Variants in C11orf87 observed in about 807,000 individuals in gnomAD.
C11orf87 encodes uncharacterized protein C11orf87.
Under a neutral mutation model 9.2 loss-of-function variants are expected in C11orf87, and 3 were observed. The ratio of observed to expected loss-of-function variants is 0.33; its 90% CI spans 0.15 to 0.84. C11orf87 has a LOEUF of 0.84. C11orf87 is among the 40% of genes least tolerant of loss of function. The pLI is 0.55. For synonymous variants in C11orf87, 124 were observed against 124.6 expected, an observed-to-expected ratio of 1.00 and a Z score of 0.03; for missense variants, 256 against 270.7, an observed-to-expected ratio of 0.95 and a Z score of 0.38.
chr11:109,423,337 A>C lies in C11orf87; in HGVS notation c.-259-38A>C. On this transcript the variant is annotated intron_variant, in intron 1 of 1. Coordinates refer to ENST00000327419, the MANE Select transcript of C11orf87 (RefSeq NM_207645.4). The surrounding 1 kb of genome is among the most constrained non-coding windows in gnomAD (Gnocchi z 5.3). ...CTTTCCCGACAGCACTCCCCTGGGCAGCGGCCGAGATTCTAACTAAGCTTT... is the reference window on the plus strand; with the variant it reads ...CTTTCCCGACAGCACTCCCCTGGGCCGCGGCCGAGATTCTAACTAAGCTTT... The C allele has an allele frequency of 6.3e-6, 3 of 475,114 alleles. No homozygotes were observed. The highest frequency in any genetic ancestry group is 7.5e-6 in the Non-Finnish European group (2 of 267,952). 29.4% of individuals were successfully genotyped at this position (475,114 alleles called of 1,614,324 possible).
chr11:109,423,789 G>A lies in C11orf87; in HGVS notation c.156G>A (p.Gln52=), dbSNP rs566761843. ...GCACCTGCATCACGCAGGTGGGACA[G>A]CAGCTCTTCCAGTCCTTCTCCTCCA... ...GSGTCITQVG[Q]QLFQSFSSTL... Residue 52 remains glutamine (Q), a synonymous_variant, in exon 2 of 2, where the codon CAG becomes CAA. Coordinates refer to ENST00000327419, the MANE Select transcript of C11orf87 (RefSeq NM_207645.4). This position sits in a 1 kb window ranked among gnomAD's most constrained non-coding sequence, Gnocchi z 5.3. 5 of 1,614,004 alleles carry A rather than the reference G, an allele frequency of 3.1e-6. No individual in the cohort carries two copies. In the South Asian group the frequency reaches 4.4e-5, roughly 14 times the overall value.
In C11orf87 at chr11:109,424,072, T is replaced by C; in HGVS notation, c.439T>C (p.Ser147Pro). The C allele has an allele frequency of 6.2e-7, 1 of 1,613,890 alleles. No individual in the cohort carries two copies. Among genetic ancestry groups the C allele is most frequent in the Non-Finnish European group, 8.5e-7 (1 of 1,180,000 alleles). Residue 147 changes from serine to proline, a missense_variant, in exon 2 of 2, where the codon TCG becomes CCG. By Grantham distance (74) the Ser-to-Pro change is moderately conservative (BLOSUM62 -1). Transcript: ENST00000327419. The surrounding 1 kb of genome is among the most constrained non-coding windows in gnomAD (Gnocchi z 4.7). ...DSPFCAPSNA[S>P]SLSSSSPGLP... ...TCCCTTCTGCGCCCCTTCCAACGCC[T>C]CGTCGTTGTCCTCTTCGTCCCCTGG...
rs536660382 is a variant in C11orf87, at chr11:109,429,119, C to A, written c.*4892C>A. The A allele has an allele frequency of 3.9e-5, 6 of 152,238 alleles. No homozygotes were observed. The highest frequency in any genetic ancestry group is 1.2e-4 in the African/African-American group (5 of 41,556). 9.4% of individuals were successfully genotyped at this position (152,238 alleles called of 1,614,324 possible). A position where few individuals can be genotyped will look rare whatever the true frequency, so the allele number is the denominator to read the frequency against. On this transcript the variant is annotated 3_prime_UTR_variant, in exon 2 of 2. Transcript: ENST00000327419. ...ATAAAAGAGTTTTCTTGTTAATTGG[C>A]TTTTTGGACACTATTTCCTTGCCAA...
Position 109,423,220 on chromosome 11 carries a change from G to C in C11orf87, c.-259-155G>C, listed in dbSNP as rs530325257. Among the ~76,000 whole-genome samples the C allele has an allele frequency of 1.4e-4, 21 of 152,314 alleles. No homozygotes were observed. The highest frequency in any genetic ancestry group is 2.6e-4 in the Non-Finnish European group (18 of 68,018). On this transcript the variant is annotated intron_variant, in intron 1 of 1. Coordinates refer to ENST00000327419, the MANE Select transcript of C11orf87 (RefSeq NM_207645.4). The surrounding 1 kb of genome is among the most constrained non-coding windows in gnomAD (Gnocchi z 5.3). ...GCTGGTGGCTCTGGTGCACGGCCAC[G>C]GGCCGGCAGGCTGGGGTCCGCTGAC...
At position 109,426,418 on chromosome 11, in the gene C11orf87, T is replaced by G. The variant is rs566912003; in HGVS notation, c.*2191T>G. 4.6e-5 allele frequency: 7 copies of G among 152,356 alleles called. No individual in the cohort carries two copies. Among genetic ancestry groups the G allele is most frequent in the African/African-American group, 1.7e-4 (7 of 41,590 alleles). The allele number at this position is 152,356 out of a possible 1,614,324, so 9.4% of individuals were successfully genotyped here. A position where few individuals can be genotyped will look rare whatever the true frequency, so the allele number is the denominator to read the frequency against. ...AATTGCCCAAGCTCAGTTTGCATCT[T>G]TTATAAAAATAATTTAATAAACTTA... On this transcript the variant is annotated 3_prime_UTR_variant, in exon 2 of 2. Coordinates refer to ENST00000327419, the MANE Select transcript of C11orf87 (RefSeq NM_207645.4).
chr11:109,428,162 A>G lies in C11orf87; in HGVS notation c.*3935A>G, dbSNP rs954518009. The G allele has an allele frequency of 6.6e-6, 1 of 152,136 alleles. No homozygotes were observed. The highest frequency in any genetic ancestry group is 2.4e-5 in the African/African-American group (1 of 41,454). 9.4% of individuals were successfully genotyped at this position (152,136 alleles called of 1,614,324 possible). A position where few individuals can be genotyped will look rare whatever the true frequency, so the allele number is the denominator to read the frequency against. ...GATGGAAAGCAAAAATATCCAGAAG[A>G]GGTTTAGGGCCATCTAGACCACAAA... On this transcript the variant is annotated 3_prime_UTR_variant, in exon 2 of 2. Coordinates refer to ENST00000327419, the MANE Select transcript of C11orf87 (RefSeq NM_207645.4).
In C11orf87 at chr11:109,423,138, T is replaced by G. The variant is rs1344746450; in HGVS notation, c.-259-237T>G. On this transcript the variant is annotated intron_variant, in intron 1 of 1. Transcript: ENST00000327419. This position sits in a 1 kb window ranked among gnomAD's most constrained non-coding sequence, Gnocchi z 5.3. ...GGAGGCTGCCTTATCTGCTGAGTAA[T>G]CTGCACCTCCGCGGTGCCGGCGCAG... is the stretch of plus-strand genomic sequence containing the variant. 1.3e-5 allele frequency among the ~76,000 whole-genome samples: 2 copies of G among 152,204 alleles called. No individual in the cohort carries two copies. The highest frequency in any genetic ancestry group is 1.3e-4 in the Admixed American group (2 of 15,280).
rs866444636 is a variant in C11orf87 at position 109,426,543 on chromosome 11, G to A, written c.*2316G>A. On this transcript the variant is annotated 3_prime_UTR_variant, in exon 2 of 2. Transcript: ENST00000327419. ...ATTAGGAAGACCAGGTATAATCTTTGGGTACAATATATTAAACAATGAACC... is the reference window on the plus strand; with the variant it reads ...ATTAGGAAGACCAGGTATAATCTTTAGGTACAATATATTAAACAATGAACC... 4 of 152,230 alleles carry A rather than the reference G, an allele frequency of 2.6e-5. No individual in the cohort carries two copies. The highest frequency in any genetic ancestry group is 6.8e-3 in the Middle Eastern group (2 of 294). The allele number at this position is 152,230 out of a possible 1,614,324, so 9.4% of individuals were successfully genotyped here. A position where few individuals can be genotyped will look rare whatever the true frequency, so the allele number is the denominator to read the frequency against.
chr11:109,426,713 T>C lies in C11orf87; in HGVS notation c.*2486T>C, dbSNP rs1860577369. ...AAGGCACTGTGAAGAAGAAAGTCCA[T>C]TGATTTTTGTAGCTTACCCTCATCC... On this transcript the variant is annotated 3_prime_UTR_variant, in exon 2 of 2. Coordinates refer to ENST00000327419, the MANE Select transcript of C11orf87 (RefSeq NM_207645.4). 1 of 152,220 alleles carries C rather than the reference T, an allele frequency of 6.6e-6. No individual in the cohort carries two copies. The highest frequency in any genetic ancestry group is 2.4e-5 in the African/African-American group (1 of 41,466). 9.4% of individuals were successfully genotyped at this position (152,220 alleles called of 1,614,324 possible).
At chr11:109,422,674 A>AG (rs1860507532) in intron 1 of C11orf87, among the ~76,000 whole-genome samples, 2 of 100,048 alleles carry the variant, frequency 2.0e-5, no homozygotes, top group African/African-American at 7.9e-5. Flanking sequence ...AATGGGGAGG[A>AG]GGGGGCCGTT....
chr11:109,424,550 T>G lies in C11orf87; in HGVS notation c.*323T>G. The G allele has an allele frequency of 5.8e-6, 1 of 172,130 alleles. No homozygotes were observed. Among genetic ancestry groups the G allele is most frequent in the Non-Finnish European group, 1.4e-5 (1 of 71,652 alleles). 10.7% of individuals were successfully genotyped at this position (172,130 alleles called of 1,614,324 possible). A position where few individuals can be genotyped will look rare whatever the true frequency, so the allele number is the denominator to read the frequency against. ...TCTAACTGTCAATGGAGGATGCATCTTCCCATTCCACCCCGCGCTCCCCTC... is the reference window on the plus strand; with the variant it reads ...TCTAACTGTCAATGGAGGATGCATCGTCCCATTCCACCCCGCGCTCCCCTC... On this transcript the variant is annotated 3_prime_UTR_variant, in exon 2 of 2. Coordinates refer to ENST00000327419, the MANE Select transcript of C11orf87 (RefSeq NM_207645.4). The surrounding 1 kb of genome is among the most constrained non-coding windows in gnomAD (Gnocchi z 4.7).
In C11orf87 at chr11:109,424,377, C is replaced by A; in HGVS notation, c.*150C>A. 1 of 646,786 alleles carries A rather than the reference C, an allele frequency of 1.5e-6. No homozygotes were observed. Among genetic ancestry groups the A allele is most frequent in the Non-Finnish European group, 2.7e-6 (1 of 364,842 alleles). The allele number at this position is 646,786 out of a possible 1,614,324, so 40.1% of individuals were successfully genotyped here. On this transcript the variant is annotated 3_prime_UTR_variant, in exon 2 of 2. Transcript: ENST00000327419. This position sits in a 1 kb window ranked among gnomAD's most constrained non-coding sequence, Gnocchi z 4.7. ...CCCTCCCCTTACTCTTGTTTCTCCT[C>A]CGCCGAGGCACTGTGCGGTATTTGT...
rs1473817764 is a variant in C11orf87, at chr11:109,428,989, A to G, written c.*4762A>G. The G allele has an allele frequency of 6.6e-6, 1 of 152,216 alleles. No homozygotes were observed. The highest frequency in any genetic ancestry group is 2.4e-5 in the African/African-American group (1 of 41,470). 9.4% of individuals were successfully genotyped at this position (152,216 alleles called of 1,614,324 possible). A position where few individuals can be genotyped will look rare whatever the true frequency, so the allele number is the denominator to read the frequency against. ...AGAGAGATGAACAGCAACAACAGTG[A>G]CAATGATGACAACAGAAAAACTGAC... On this transcript the variant is annotated 3_prime_UTR_variant, in exon 2 of 2. Coordinates refer to ENST00000327419, the MANE Select transcript of C11orf87 (RefSeq NM_207645.4).
In C11orf87 at chr11:109,427,957, T is replaced by G. The variant is rs987287561; in HGVS notation, c.*3730T>G. 6.6e-6 allele frequency: 1 copy of G among 152,152 alleles called. No individual in the cohort carries two copies. The highest frequency in any genetic ancestry group is 1.5e-5 in the Non-Finnish European group (1 of 67,998). 9.4% of individuals were successfully genotyped at this position (152,152 alleles called of 1,614,324 possible). A position where few individuals can be genotyped will look rare whatever the true frequency, so the allele number is the denominator to read the frequency against. ...AAAGAGGATACTGAAAAGTCCGGTA[T>G]GTGCATGCACTTGTTTCTCTGGGGT... On this transcript the variant is annotated 3_prime_UTR_variant, in exon 2 of 2. Transcript: ENST00000327419.
In C11orf87 at chr11:109,424,091, C is replaced by G; in HGVS notation, c.458C>G (p.Ser153Cys). The change falls in exon 2 of 2, where the codon TCC (serine) becomes TGC (cysteine). Residue 153 changes from serine (S) to cysteine (C), a missense_variant. Transcript: ENST00000327419. This position sits in a 1 kb window ranked among gnomAD's most constrained non-coding sequence, Gnocchi z 4.7. Reference protein sequence around the residue: ...PSNASSLSSSSPGLPCQGPCA... With the variant: ...PSNASSLSSSCPGLPCQGPCA... ...AACGCCTCGTCGTTGTCCTCTTCGT[C>G]CCCTGGCCTCCCGTGCCAGGGTCCC... 1 of 1,613,878 alleles carries G rather than the reference C, an allele frequency of 6.2e-7. No homozygotes were observed. The highest frequency in any genetic ancestry group is 8.5e-7 in the Non-Finnish European group (1 of 1,180,018).
At position 109,422,221 on chromosome 11, in the gene C11orf87, C is replaced by T; in HGVS notation, c.-302C>T. 5.0e-6 allele frequency: 1 copy of T among 201,048 alleles called. No homozygotes were observed. Among genetic ancestry groups the T allele is most frequent in the South Asian group, 6.1e-5 (1 of 16,378 alleles). 12.5% of individuals were successfully genotyped at this position (201,048 alleles called of 1,614,324 possible). On this transcript the variant is annotated 5_prime_UTR_variant, in exon 1 of 2. Transcript: ENST00000327419. ...CGCTTTCTGCAGCCGCCACTGCAGC[C>T]GCGCGGCGGGGGCTCCCTCCTTGCA...
chr11:109,422,330 G>C (rs949403569), intron 1 of C11orf87, 67 bp downstream of exon 1: 3 of 167,612 alleles, frequency 1.8e-5, no homozygotes, highest in African/African-American at 7.2e-5. Context: ...TGCGAGTGGG[G>C]AGGACAGCTC....
At position 109,428,210 on chromosome 11, in the gene C11orf87, G is replaced by T. The variant is rs961439330; in HGVS notation, c.*3983G>T. ...AAACCTGGAACCTGGATTGTGGTTT[G>T]ATTTTTTTCATTTTCAACCTATATG... is the stretch of plus-strand genomic sequence containing the variant. On this transcript the variant is annotated 3_prime_UTR_variant, in exon 2 of 2. Coordinates refer to ENST00000327419, the MANE Select transcript of C11orf87 (RefSeq NM_207645.4). 3 of 151,990 alleles carry T rather than the reference G, an allele frequency of 2.0e-5. No individual in the cohort carries two copies. Among genetic ancestry groups the T allele is most frequent in the Admixed American group, 6.5e-5 (1 of 15,268 alleles). 9.4% of individuals were successfully genotyped at this position (151,990 alleles called of 1,614,324 possible).
In C11orf87 at chr11:109,424,190, C is replaced by T; in HGVS notation, c.557C>T (p.Ala186Val). 3 of 1,614,206 alleles carry T rather than the reference C, an allele frequency of 1.9e-6. No individual in the cohort carries two copies. The highest frequency in any genetic ancestry group is 1.6e-4 in the Middle Eastern group (1 of 6,062). ...AHAASSCLDTAGEGLLQTVVL... is the reference protein window; with the variant it reads ...AHAASSCLDTVGEGLLQTVVL... ...GCAGCTTCCTCCTGTTTGGACACAG[C>T]TGGCGAGGGCCTTTTGCAAACGGTG... Residue 186 changes from alanine to valine, a missense_variant, in exon 2 of 2, where the codon GCT becomes GTT. Ala to Val is a moderately conservative substitution (Grantham distance 64). Transcript: ENST00000327419. This position sits in a 1 kb window ranked among gnomAD's most constrained non-coding sequence, Gnocchi z 4.7.
Sources: gnomAD v4.1 joint callset for allele counts (sites outside exome capture counted in the v4.1 genomes callset) on GRCh38, gnomAD v4.1.1 for gene constraint, Gnocchi (gnomAD v3.1) non-coding constraint, MANE v1.5 for transcripts, NCBI Gene and HGNC (gene_info 2026-07-23, HGNC 2026-07-21) for gene names.